The following RBFOX2 variants were observed in gnomAD, a reference collection of about 807,000 sequenced individuals.
The protein encoded by RBFOX2 is RNA binding protein fox-1 homolog 2.
RBFOX2 carries 10 observed loss-of-function variants against 49.1 expected under a neutral mutation model. The observed-to-expected ratio is 0.20, with a 90% CI of 0.13 to 0.35. The LOEUF (loss-of-function observed/expected upper bound fraction) is 0.35, where lower values mean the gene tolerates loss of function less well. Ranked by LOEUF, RBFOX2 falls within the 10% of genes least tolerant of loss-of-function variation. The pLI is 1.00. For missense variants in RBFOX2, 323 were observed against 486.9 expected, an observed-to-expected ratio of 0.66 and a Z score of 3.17; for synonymous variants, 183 against 187.4, an observed-to-expected ratio of 0.98 and a Z score of 0.19.
At chr22:35,939,482 C>T (rs1268595084), upstream of RBFOX2, among the ~76,000 whole-genome samples, 1 of 152,044 alleles carries the variant, frequency 6.6e-6, no homozygotes, top group Non-Finnish European at 1.5e-5. Context: ...TGGATGAAAT[C>T]TGACCTCTGT....
At chr22:35,779,268 A>G (rs1326234325) in intron 3 of RBFOX2, among the ~76,000 whole-genome samples, 3 of 152,276 alleles carry the variant, frequency 2.0e-5, no homozygotes, top group East Asian at 1.9e-4. Flanking sequence ...AAATTTCCAG[A>G]TATCTTTTTG....
chr22:35,804,449 T>C (rs1188897506), intron 2 of RBFOX2, among the ~76,000 whole-genome samples: 1 of 152,076 alleles, frequency 6.6e-6, no homozygotes. Flanking sequence ...AGACACATCA[T>C]AGAGAAACGG....
At chr22:35,926,790 C>A (rs1466430769) in intron 1 of RBFOX2, among the ~76,000 whole-genome samples, 1 of 152,134 alleles carries the variant, frequency 6.6e-6, no homozygotes, top group Non-Finnish European at 1.5e-5. Context: ...ATGACACTCC[C>A]AGGACCCACA....
chr22:35,763,475 T>G (rs1045588774), intron 6 of RBFOX2, among the ~76,000 whole-genome samples: 1 of 152,172 alleles, frequency 6.6e-6, no homozygotes, highest in Non-Finnish European at 1.5e-5. Flanking sequence ...GGCACGAGTA[T>G]CGCTTGAACC....
At chr22:35,931,251 CA>C (rs553778666) in intron 1 of RBFOX2, among the ~76,000 whole-genome samples, 12 of 137,592 alleles carry the variant, frequency 8.7e-5, no homozygotes, top group East Asian at 2.1e-4. Flanking sequence ...GACAACCTAA[CA>C]GGGGGGAAAA....
chr22:35,819,035 G>A (rs2148400979), intron 1 of RBFOX2, among the ~76,000 whole-genome samples: 1 of 152,234 alleles, frequency 6.6e-6, no homozygotes, highest in Middle Eastern at 3.4e-3. Flanking sequence ...TTACATGGTG[G>A]CTTATATATT....
At chr22:35,779,552 T>C (rs1390785104) in intron 3 of RBFOX2, among the ~76,000 whole-genome samples, 2 of 152,250 alleles carry the variant, frequency 1.3e-5, no homozygotes, top group Non-Finnish European at 2.9e-5. Flanking sequence ...CATTTATGCT[T>C]ATCCTATAAA....
At position 35,893,381 on chromosome 22, in the gene RBFOX2, G is replaced by A. The variant is rs186507053; in HGVS notation, c.-34+45466C>T. ...TAAGCACAAAGGAAATAACTAAGGA[G>A]ACTGTCACTGTCTGCTTTCATCAAA... On this transcript the variant is annotated intron_variant, in intron 1 of 13. Coordinates refer to the RBFOX2 transcript ENST00000359369. Among the ~76,000 whole-genome samples the A allele has an allele frequency of 7.2e-5, 11 of 152,304 alleles. No individual in the cohort carries two copies. The East Asian group carries it at 2.1e-3, about 29-fold the overall frequency.
intron 2 of RBFOX2, among the ~76,000 whole-genome samples, chr22:35,794,888 C>T (rs1291849248): frequency 6.6e-6 from 1 of 152,084 alleles, no homozygotes; most frequent in Non-Finnish European, 1.5e-5. Context: ...TTCCCTTGGG[C>T]ATTAGGAGTA....
intron 1 of RBFOX2, among the ~76,000 whole-genome samples, chr22:35,923,360 A>G (rs898456286): frequency 5.3e-5 from 8 of 150,012 alleles, no homozygotes; most frequent in South Asian, 2.1e-4. Flanking sequence ...TTTTCCTTTT[A>G]TTTCCCCAAC....
intron 2 of RBFOX2, among the ~76,000 whole-genome samples, chr22:35,807,762 T>A (rs1199795224): frequency 6.7e-6 from 1 of 150,184 alleles, no homozygotes; most frequent in East Asian, 2.0e-4. Flanking sequence ...AAAAATAAAA[T>A]AGAAAAACAA....
intron 1 of RBFOX2, among the ~76,000 whole-genome samples, chr22:35,951,420 T>C (rs2054922510): frequency 6.6e-6 from 1 of 151,862 alleles, no homozygotes. Context: ...TAATTCTGTA[T>C]TTTTAGTAGA....
At chr22:35,897,742 C>A (rs1044959102) in intron 1 of RBFOX2, 8 of 789,874 alleles carry the variant, frequency 1.0e-5, no homozygotes, top group Non-Finnish European at 1.9e-5. Flanking sequence ...ACCAAACCAA[C>A]ACATATTTGC....
At chr22:35,778,856 C>T (rs1288113021) in intron 3 of RBFOX2, among the ~76,000 whole-genome samples, 8 of 152,058 alleles carry the variant, frequency 5.3e-5, no homozygotes, top group Admixed American at 5.2e-4. Context: ...AGGCTGGTCT[C>T]GAACTCCTGA....
chr22:35,978,713 A>G (rs1197372519), intron 1 of RBFOX2, among the ~76,000 whole-genome samples: 5 of 152,236 alleles, frequency 3.3e-5, no homozygotes, highest in African/African-American at 9.6e-5. Context: ...AATTATAGAA[A>G]TGGACTACAG....
At chr22:36,015,092 A>G (rs1451334854) in intron 1 of RBFOX2, among the ~76,000 whole-genome samples, 1 of 152,238 alleles carries the variant, frequency 6.6e-6, no homozygotes, top group Non-Finnish European at 1.5e-5. Flanking sequence ...GCTAGCTAAC[A>G]GAAAAATTAG....
At chr22:35,773,250 C>T (rs1304238510) in intron 4 of RBFOX2, among the ~76,000 whole-genome samples, 1 of 151,734 alleles carries the variant, frequency 6.6e-6, no homozygotes, top group Non-Finnish European at 1.5e-5. Flanking sequence ...AATTAAAAGC[C>T]ATGATAATAG....
intron 1 of RBFOX2, among the ~76,000 whole-genome samples, chr22:35,909,308 G>A (rs1004968863): frequency 6.6e-6 from 1 of 151,990 alleles, no homozygotes; most frequent in African/African-American, 2.4e-5. Flanking sequence ...ATATATATAT[G>A]AAAAAATATA....
At chr22:35,867,579 G>A (rs1266518260) in intron 1 of RBFOX2, among the ~76,000 whole-genome samples, 1 of 152,086 alleles carries the variant, frequency 6.6e-6, no homozygotes, top group African/African-American at 2.4e-5. Context: ...TGTTATTCAT[G>A]TTTCTTAAAT....
Sources: gnomAD v4.1 joint callset for allele counts (sites outside exome capture counted in the v4.1 genomes callset) on GRCh38, gnomAD v4.1.1 for gene constraint, MANE v1.5 for transcripts, NCBI Gene and HGNC (gene_info 2026-07-23, HGNC 2026-07-21) for gene names.